The following ZC3HAV1L variants were observed in gnomAD, a reference collection of about 807,000 sequenced individuals.
ZC3HAV1L encodes zinc finger CCCH-type antiviral protein 1-like.
In ZC3HAV1L, 23 loss-of-function variants were observed where a neutral mutation model predicts 28.2. That is an observed-to-expected ratio of 0.82 (90% confidence interval 0.59 to 1.16). The LOEUF is 1.16. Ranked by LOEUF, ZC3HAV1L falls within the 50% of genes most tolerant of loss-of-function variation. The pLI is 0.00. For missense variants in ZC3HAV1L, 376 were observed against 387.7 expected (o/e 0.97, Z 0.25); for synonymous variants, 180 against 163.4 (o/e 1.10, Z -0.78).
At chr7:139,028,380 A>C (rs528218526) in intron 3 of ZC3HAV1L, among the ~76,000 whole-genome samples, 24 of 151,040 alleles carry the variant, frequency 1.6e-4, no homozygotes, top group Admixed American at 5.3e-4. Flanking sequence ...CTCAAAAAAA[A>C]AAACAAAAAC....
intron 2 of ZC3HAV1L, among the ~76,000 whole-genome samples, chr7:139,031,098 G>A (rs1185272084): frequency 1.3e-5 from 2 of 152,088 alleles, no homozygotes; most frequent in East Asian, 3.9e-4. Context: ...ATAGTTTTAG[G>A]AATTTAAGTG....
At chr7:139,035,302 C>T (rs1815668900) in intron 1 of ZC3HAV1L, 1 of 985,428 alleles carries the variant, frequency 1.0e-6, no homozygotes, top group South Asian at 4.7e-5. Context: ...CCTCAGACGC[C>T]CCACGCCCCC....
At chr7:139,034,398 A>G in intron 2 of ZC3HAV1L, 145 bp downstream of exon 2, 2 of 1,328,930 alleles carry the variant, frequency 1.5e-6, no homozygotes, top group Non-Finnish European at 2.0e-6. Context: ...CATGATAGCA[A>G]TTATAAAGGG....
downstream of ZC3HAV1L, among the ~76,000 whole-genome samples, chr7:139,024,780 T>A (rs1199776688): frequency 6.6e-6 from 1 of 152,216 alleles, no homozygotes; most frequent in African/African-American, 2.4e-5. Context: ...ACTTATTACA[T>A]TGTCTCTGTT....
At chr7:139,030,491 C>T (rs1427371874) in intron 2 of ZC3HAV1L, among the ~76,000 whole-genome samples, 5 of 151,738 alleles carry the variant, frequency 3.3e-5, no homozygotes, top group African/African-American at 1.2e-4. Context: ...GCTGAGATTG[C>T]GCCACTGCAC....
intron 4 of ZC3HAV1L, 64 bp downstream of exon 4, chr7:139,026,644 T>C: frequency 6.2e-7 from 1 of 1,612,622 alleles, no homozygotes; most frequent in Non-Finnish European, 8.5e-7. Flanking sequence ...ACAGAAGGCT[T>C]GTTTTCAGAT....
At chr7:139,030,486 G>T (rs143692531) in intron 2 of ZC3HAV1L, among the ~76,000 whole-genome samples, 1,670 of 152,166 alleles carry the variant, frequency 0.011, 25 homozygotes, top group African/African-American at 0.038. Flanking sequence ...AGTGAGCTGA[G>T]ATTGCGCCAC....
At chr7:139,028,408 C>T (rs1815420877) in intron 3 of ZC3HAV1L, among the ~76,000 whole-genome samples, 1 of 148,024 alleles carries the variant, frequency 6.8e-6, no homozygotes, top group Non-Finnish European at 1.5e-5. Context: ...GTTCTACCTA[C>T]TTCCTGACAT....
chr7:139,035,780 A>C lies in ZC3HAV1L; in HGVS notation c.238T>G (p.Trp80Gly). 6.7e-7 allele frequency: 1 copy of C among 1,494,386 alleles called. No homozygotes were observed. The highest frequency in any genetic ancestry group is 8.8e-7 in the Non-Finnish European group (1 of 1,130,408). 92.6% of individuals were successfully genotyped at this position (1,494,386 alleles called of 1,614,324 possible). Reference sequence around the variant, plus strand: ...ACAGAGGACACGGCCACCACCCTCCAGGCGGAGGTGCCGCCACCGCCCACC... The same window carrying C: ...ACAGAGGACACGGCCACCACCCTCCCGGCGGAGGTGCCGCCACCGCCCACC... ...GAVGGGGTSA[W>G]RVVAVSSVRL... The change falls in exon 1 of 5, where the codon TGG becomes GGG. Residue 80 changes from tryptophan (W) to glycine (G), a missense_variant. Transcript: ENST00000275766.
chr7:139,035,335 G>C (rs1815670338), intron 1 of ZC3HAV1L: 18 of 984,696 alleles, frequency 1.8e-5, no homozygotes, highest in Non-Finnish European at 2.0e-5. Context: ...AATATCACCA[G>C]AATAAGTGAG....
intron 2 of ZC3HAV1L, among the ~76,000 whole-genome samples, chr7:139,031,862 A>G (rs11974380): frequency 0.49 from 73,713 of 151,832 alleles, 18,366 homozygotes; most frequent in Non-Finnish European, 0.52. Flanking sequence ...CTGAGATCAC[A>G]CCACTGCACT....
chr7:139,033,646 T>C (rs1815603644), intron 2 of ZC3HAV1L: 3 of 871,868 alleles, frequency 3.4e-6, no homozygotes, highest in African/African-American at 1.8e-5. Context: ...AGTAGTCTAA[T>C]ATGACAAGGT....
At chr7:139,030,419 T>G (rs981790784) in intron 2 of ZC3HAV1L, among the ~76,000 whole-genome samples, 3 of 152,142 alleles carry the variant, frequency 2.0e-5, no homozygotes, top group Non-Finnish European at 4.4e-5. Flanking sequence ...CACTCCAGCC[T>G]GGGCAACACA....
intron 2 of ZC3HAV1L, among the ~76,000 whole-genome samples, chr7:139,031,853 T>G (rs988351293): frequency 6.6e-6 from 1 of 152,048 alleles, no homozygotes; most frequent in African/African-American, 2.4e-5. Context: ...TGCAGTGAGC[T>G]GAGATCACAC....
At chr7:139,033,234 T>G (rs967269794) in intron 2 of ZC3HAV1L, among the ~76,000 whole-genome samples, 1 of 152,066 alleles carries the variant, frequency 6.6e-6, no homozygotes, top group Non-Finnish European at 1.5e-5. Flanking sequence ...GATGTTTTCT[T>G]GTGCAAGCCT....
At chr7:139,030,854 TTAAA>T (rs1313927086) in intron 2 of ZC3HAV1L, among the ~76,000 whole-genome samples, 15 of 150,702 alleles carry the variant, frequency 1.0e-4, no homozygotes, top group African/African-American at 2.7e-4. Flanking sequence ...AATTAATTAA[TTAAA>T]TAAAGTGAAA....
At position 139,026,817 on chromosome 7, in the gene ZC3HAV1L, C is replaced by T. The variant is rs139980111; in HGVS notation, c.777G>A (p.Ser259=). 5 of 1,612,808 alleles carry T rather than the reference C, an allele frequency of 3.1e-6. No individual in the cohort carries two copies. Among genetic ancestry groups the T allele is most frequent in the Admixed American group, 1.7e-5 (1 of 59,780 alleles). The stretch of plus-strand genomic sequence containing the variant: ...TCTCAAGGCCTTGTGAATGCTCAGT[C>T]GAAGGTGATGAATTATCTACAAAGA... ...MLENTDNSSP[S]TEHSQGLEKQ... The change falls in exon 4 of 5, where the codon TCG becomes TCA. Residue 259 remains serine (S), a synonymous_variant. Transcript: ENST00000275766.
chr7:139,035,817 C>T lies in ZC3HAV1L; in HGVS notation c.201G>A (p.Ala67=), dbSNP rs563923758. 187 of 1,484,004 alleles carry T rather than the reference C, an allele frequency of 1.3e-4. 1 individual carries two copies. In the African/African-American group the frequency reaches 2.6e-3, roughly 21 times the overall value. 91.9% of individuals were successfully genotyped at this position (1,484,004 alleles called of 1,614,324 possible). ...CGCCACCGCCCACCGCGCCGGCCGC[C>T]GCCTCGGCCTCCGCGTCCCCGAGGC... ...QEGLGDAEAE[A]AAGAVGGGGT... Residue 67 remains alanine, a synonymous_variant, in exon 1 of 5, where the codon GCG becomes GCA. Transcript: ENST00000275766.
In ZC3HAV1L at chr7:139,026,695, C is replaced by T. The variant is rs775644174; in HGVS notation, c.886+13G>A. The T allele has an allele frequency of 6.2e-7, 1 of 1,613,808 alleles. No individual in the cohort carries two copies. The highest frequency in any genetic ancestry group is 1.3e-5 in the African/African-American group (1 of 74,928). On this transcript the variant is annotated intron_variant, in intron 4 of 4. Transcript: ENST00000275766. ...AGCTTCTTCTTAGTTCACTGACCCC[C>T]TTTAAGGTTTACCTGGGCAGGGCTT...
Sources: gnomAD v4.1 joint callset for allele counts (sites outside exome capture counted in the v4.1 genomes callset) on GRCh38, gnomAD v4.1.1 for gene constraint, MANE v1.5 for transcripts, NCBI Gene and HGNC (gene_info 2026-07-23, HGNC 2026-07-21) for gene names.